KIF11: variants seen among roughly 807,000 people sequenced by gnomAD.
The protein encoded by KIF11 is kinesin-like protein KIF11.
KIF11 carries 9 observed loss-of-function variants against 121.0 expected under a neutral mutation model. That is an observed-to-expected ratio of 0.07 (90% CI 0.04 to 0.13). The LOEUF (loss-of-function observed/expected upper bound fraction) is 0.13, where lower values mean the gene tolerates loss of function less well. Among genes scored for constraint, KIF11 ranks in the 10% least tolerant of loss-of-function variants. The pLI is 1.00. For missense variants in KIF11, 846 were observed against 1,217.5 expected, an observed-to-expected ratio of 0.69 and a Z score of 4.54; for synonymous variants, 408 against 421.0, an observed-to-expected ratio of 0.97 and a Z score of 0.38.
chr10:92,627,919 T>A (rs10882094), intron 10 of KIF11, among the ~76,000 whole-genome samples: 106,386 of 152,106 alleles, frequency 0.7, 38,579 homozygotes, highest in East Asian at 0.93. Context: ...TCCATCATTT[T>A]GTATGTAGAT....
chr10:92,637,672 C>T, intron 16 of KIF11, 127 bp downstream of exon 16: 2 of 850,204 alleles, frequency 2.4e-6, no homozygotes, highest in Middle Eastern at 2.4e-4. Flanking sequence ...ATACCATAGC[C>T]ACTGTTGCTT....
intron 1 of KIF11, among the ~76,000 whole-genome samples, chr10:92,598,242 AT>A (rs1297551473): frequency 1.3e-5 from 2 of 152,262 alleles, no homozygotes; most frequent in East Asian, 3.9e-4. Context: ...TCTTACATAC[AT>A]TTTTGATCCA....
At chr10:92,601,708 A>T (rs1438839215) in intron 1 of KIF11, among the ~76,000 whole-genome samples, 2 of 142,050 alleles carry the variant, frequency 1.4e-5, no homozygotes, top group East Asian at 2.1e-4. Context: ...TAAAAAAATA[A>T]TTTTTTTTTT....
Position 92,653,942 on chromosome 10 carries a change from G to A in KIF11, c.*146G>A. ...CTCATGCCTGTAATCCCAGCACTTT[G>A]GGAGGCTGAGGCGGGTGGATTGCTT... On this transcript the variant is annotated 3_prime_UTR_variant, in exon 22 of 22. Coordinates refer to ENST00000260731, the MANE Select transcript of KIF11 (RefSeq NM_004523.4). 1.7e-6 allele frequency: 1 copy of A among 584,154 alleles called. No homozygotes were observed. The highest frequency in any genetic ancestry group is 2.8e-6 in the Non-Finnish European group (1 of 355,712). 36.2% of individuals were successfully genotyped at this position (584,154 alleles called of 1,614,324 possible). A position where few individuals can be genotyped will look rare whatever the true frequency, so the allele number is the denominator to read the frequency against.
chr10:92,611,622 G>C (rs1267931308), intron 6 of KIF11, among the ~76,000 whole-genome samples: 1 of 152,034 alleles, frequency 6.6e-6, no homozygotes, highest in Non-Finnish European at 1.5e-5. Context: ...TACTTGGCTG[G>C]GCGCGATGGC....
Position 92,637,244 on chromosome 10 carries a change from T to G in KIF11, c.1936T>G (p.Ser646Ala). 6.3e-7 allele frequency: 1 copy of G among 1,589,162 alleles called. No homozygotes were observed. Among genetic ancestry groups the G allele is most frequent in the Non-Finnish European group, 8.5e-7 (1 of 1,174,058 alleles). Residue 646 changes from serine (S) to alanine (A), a missense_variant, in exon 15 of 22, where the codon TCT becomes GCT. Transcript: ENST00000260731. The stretch of plus-strand genomic sequence containing the variant: ...AATGATTTTATCCCCAACTGTGGTG[T>G]CTATACTGAAAATCAATAGTCAACT... ...LEMILSPTVV[S>A]ILKINSQLKH...
At chr10:92,625,982 T>C (rs1417766328) in intron 10 of KIF11, among the ~76,000 whole-genome samples, 1 of 152,168 alleles carries the variant, frequency 6.6e-6, no homozygotes, top group Non-Finnish European at 1.5e-5. Context: ...GAATCAATAT[T>C]GTTAAAATGG....
At chr10:92,603,984 A>G (rs1320497888) in intron 1 of KIF11, among the ~76,000 whole-genome samples, 2 of 152,104 alleles carry the variant, frequency 1.3e-5, no homozygotes, top group African/African-American at 4.8e-5. Context: ...CTTGATGAAT[A>G]TTTGTGGAAT....
chr10:92,617,786 C>G (rs887540698), intron 9 of KIF11, among the ~76,000 whole-genome samples: 2 of 151,336 alleles, frequency 1.3e-5, no homozygotes, highest in African/African-American at 2.4e-5. Context: ...TTCACCCAGG[C>G]TGGAGTGCAG....
At chr10:92,611,612 T>C (rs982214567) in intron 6 of KIF11, among the ~76,000 whole-genome samples, 4 of 152,142 alleles carry the variant, frequency 2.6e-5, no homozygotes, top group African/African-American at 9.7e-5. Flanking sequence ...ATAAAAATGA[T>C]ACTTGGCTGG....
intron 16 of KIF11, 51 bp downstream of exon 16, chr10:92,637,596 T>C: frequency 6.6e-7 from 1 of 1,526,388 alleles, no homozygotes; most frequent in African/African-American, 1.4e-5. Flanking sequence ...TTTAGGATGA[T>C]TTGATATGAC....
chr10:92,618,724 G>A lies in KIF11; in HGVS notation c.1128+1892G>A, dbSNP rs1336421724. On this transcript the variant is annotated intron_variant, in intron 9 of 21. Transcript: ENST00000260731. ...TTGAACTATAGAATATTACCACGGG[G>A]ATATTGATATTAATAACAATCCACT... Among the ~76,000 whole-genome samples the A allele has an allele frequency of 2.0e-5, 3 of 151,786 alleles. No individual in the cohort carries two copies. In the East Asian group the frequency reaches 5.8e-4, roughly 29 times the overall value.
intron 1 of KIF11, among the ~76,000 whole-genome samples, chr10:92,598,251 C>T (rs755191922): frequency 6.6e-6 from 1 of 152,050 alleles, no homozygotes; most frequent in East Asian, 1.9e-4. Context: ...CATTTTTGAT[C>T]CATTTTGAGT....
chr10:92,610,556 T>C (rs1844484994), intron 6 of KIF11, among the ~76,000 whole-genome samples: 1 of 152,118 alleles, frequency 6.6e-6, no homozygotes, highest in Admixed American at 6.6e-5. Context: ...GTGTGTGTGG[T>C]CTTTAAACCT....
At position 92,593,201 on chromosome 10, in the gene KIF11, G is replaced by A. The variant is rs1217466894; in HGVS notation, c.-175G>A. On this transcript the variant is annotated 5_prime_UTR_variant, in exon 1 of 22. Transcript: ENST00000260731. ...CCGACTGGCGCGGGACAAACGCCAC[G>A]GCCAGAGTACCGGGTAGAGAGCGGG... is the stretch of plus-strand genomic sequence containing the variant. 2 of 565,398 alleles carry A rather than the reference G, an allele frequency of 3.5e-6. No individual in the cohort carries two copies. Among genetic ancestry groups the A allele is most frequent in the Non-Finnish European group, 6.3e-6 (2 of 316,134 alleles). 35.0% of individuals were successfully genotyped at this position (565,398 alleles called of 1,614,324 possible).
Position 92,631,403 on chromosome 10 carries a change from G to A in KIF11, c.1494+1039G>A, listed in dbSNP as rs554308605. Among the ~76,000 whole-genome samples the A allele has an allele frequency of 1.3e-4, 19 of 144,878 alleles. No individual in the cohort carries two copies. The South Asian group carries it at 3.0e-3, about 23-fold the overall frequency. On this transcript the variant is annotated intron_variant, in intron 12 of 21. Coordinates refer to ENST00000260731, the MANE Select transcript of KIF11 (RefSeq NM_004523.4). ...GGAGTCTCGCTCTGTCGCCCAGGCC[G>A]GACTGCGGACTGCAGTGGCGCAATC... is the stretch of plus-strand genomic sequence containing the variant.
intron 3 of KIF11, among the ~76,000 whole-genome samples, 156 bp from the exon 4 acceptor site, chr10:92,607,003 C>T (rs574647986): frequency 3.3e-5 from 5 of 152,222 alleles, no homozygotes; most frequent in African/African-American, 4.8e-5. Flanking sequence ...TCTCGAACTC[C>T]GGACCTCAGG....
Position 92,602,169 on chromosome 10 carries a change from G to A in KIF11, c.78-4096G>A, listed in dbSNP as rs536100559. On this transcript the variant is annotated intron_variant, in intron 1 of 21. Transcript: ENST00000260731. Reference sequence around the variant, plus strand: ...GCTCAGTTCAATGTGTTGGTATTTTGTTGAGGATTTTTTTTTATCAGTGTT... The same window carrying A: ...GCTCAGTTCAATGTGTTGGTATTTTATTGAGGATTTTTTTTTATCAGTGTT... 2.6e-5 allele frequency among the ~76,000 whole-genome samples: 4 copies of A among 152,190 alleles called. No homozygotes were observed. In the South Asian group the frequency reaches 6.2e-4, roughly 24 times the overall value.
chr10:92,633,440 A>G (rs1446483077), intron 13 of KIF11, among the ~76,000 whole-genome samples, 183 bp from the exon 14 acceptor site: 2 of 152,194 alleles, frequency 1.3e-5, no homozygotes, highest in African/African-American at 4.8e-5. Context: ...CTTACAGAGC[A>G]CTATAGAAAA....
Sources: allele counts gnomAD v4.1 joint callset (sites outside exome capture counted in the v4.1 genomes callset), GRCh38; gene constraint gnomAD v4.1.1; transcripts MANE v1.5; gene names NCBI Gene and HGNC (gene_info 2026-07-23, HGNC 2026-07-21).